The following AUTS2 variants were observed in gnomAD, a reference collection of about 807,000 sequenced individuals.
The protein encoded by AUTS2 is activator of transcription and developmental regulator AUTS2.
Under a neutral mutation model 112.4 loss-of-function variants are expected in AUTS2, and 17 were observed. The ratio of observed to expected loss-of-function variants is 0.15; its 90% CI spans 0.10 to 0.23. AUTS2 has a LOEUF of 0.23. Ranked by LOEUF, AUTS2 falls within the 10% of genes least tolerant of loss-of-function variation. AUTS2 has a pLI of 1.00. For synonymous variants in AUTS2, 751 were observed against 702.7 expected (o/e 1.07, Z -1.09); for missense variants, 1,510 against 1,701.6 (o/e 0.89, Z 1.98).
chr7:70,421,929 A>G (rs1376803272), intron 4 of AUTS2, among the ~76,000 whole-genome samples: 1 of 152,202 alleles, frequency 6.6e-6, no homozygotes, highest in Non-Finnish European at 1.5e-5. Context: ...CTTGCAGACA[A>G]TTTATAGTAA....
intron 5 of AUTS2, among the ~76,000 whole-genome samples, chr7:70,607,002 GC>G (rs2129531911): frequency 6.6e-6 from 1 of 152,232 alleles, no homozygotes; most frequent in Non-Finnish European, 1.5e-5. Context: ...CCTAGTGATA[GC>G]GAGCCCCAGT....
chr7:69,999,398 C>T (rs1316801900), intron 2 of AUTS2, among the ~76,000 whole-genome samples: 1 of 152,054 alleles, frequency 6.6e-6, no homozygotes, highest in Admixed American at 6.6e-5. Flanking sequence ...AGATAATTTT[C>T]CCCCTACTTT....
At position 70,766,603 on chromosome 7, in the gene AUTS2, T is replaced by C. The variant is rs1789964364; in HGVS notation, c.1689+269T>C. Among the ~76,000 whole-genome samples the C allele has an allele frequency of 6.6e-6, 1 of 152,226 alleles. No homozygotes were observed. The highest frequency in any genetic ancestry group is 1.5e-5 in the Non-Finnish European group (1 of 68,038). On this transcript the variant is annotated intron_variant, in intron 9 of 18. Coordinates refer to ENST00000342771, the MANE Select transcript of AUTS2 (RefSeq NM_015570.4). The surrounding 1 kb of genome is among the most constrained non-coding windows in gnomAD (Gnocchi z 4.8). ...CCCTCAAAACAGTCATGTCCAGTGTTGATGGCTAACTTCTTAAAGGGTTGT... is the reference window on the plus strand; with the variant it reads ...CCCTCAAAACAGTCATGTCCAGTGTCGATGGCTAACTTCTTAAAGGGTTGT...
At chr7:69,899,607 G>A (rs557430209) in intron 2 of AUTS2, 109 bp downstream of exon 2, 3 of 1,026,562 alleles carry the variant, frequency 2.9e-6, no homozygotes, top group Non-Finnish European at 4.3e-6. Context: ...TTGGTGGGAT[G>A]CTGAAGTGGT....
intron 2 of AUTS2, among the ~76,000 whole-genome samples, chr7:70,017,715 C>A (rs1349654963): frequency 6.6e-6 from 1 of 152,128 alleles, no homozygotes; most frequent in Non-Finnish European, 1.5e-5. Flanking sequence ...CTAGCCATCA[C>A]TGCGAAATGC....
chr7:70,399,531 A>G (rs575759348), intron 4 of AUTS2, among the ~76,000 whole-genome samples: 1 of 152,262 alleles, frequency 6.6e-6, no homozygotes, highest in African/African-American at 2.4e-5. Context: ...CAAGTCCTCT[A>G]GGTTTAAGAT....
In AUTS2 at chr7:70,049,242, T is replaced by C. The variant is rs377036576; in HGVS notation, c.523-68890T>C. On this transcript the variant is annotated intron_variant, in intron 2 of 18. Coordinates refer to ENST00000342771, the MANE Select transcript of AUTS2 (RefSeq NM_015570.4). Reference sequence around the variant, plus strand: ...AGTCACATTTCAATGAACAATCCAGTAGTGTTGTCATATTCATTTTTATTT... The same window carrying C: ...AGTCACATTTCAATGAACAATCCAGCAGTGTTGTCATATTCATTTTTATTT... Among the ~76,000 whole-genome samples, 6 of 152,320 alleles carry C rather than the reference T, an allele frequency of 3.9e-5. No homozygotes were observed. The East Asian group carries it at 9.6e-4, about 24-fold the overall frequency.
At chr7:70,052,520 A>G (rs539320664) in intron 2 of AUTS2, among the ~76,000 whole-genome samples, 1 of 152,178 alleles carries the variant, frequency 6.6e-6, no homozygotes, top group African/African-American at 2.4e-5. Context: ...TGTTCACTGC[A>G]TGAAGGTGGC....
chr7:69,669,975 C>A (rs1796243930), intron 1 of AUTS2, among the ~76,000 whole-genome samples: 1 of 152,148 alleles, frequency 6.6e-6, no homozygotes, highest in Non-Finnish European at 1.5e-5. Flanking sequence ...GGGATGTTGT[C>A]TGTCCATAGA....
intron 2 of AUTS2, among the ~76,000 whole-genome samples, chr7:69,985,737 A>C (rs1487369823): frequency 1.3e-5 from 2 of 150,836 alleles, no homozygotes; most frequent in African/African-American, 4.9e-5. Flanking sequence ...TTATCTTACC[A>C]ACCATCTAAG....
At chr7:70,726,118 G>A (rs1787015394) in intron 6 of AUTS2, among the ~76,000 whole-genome samples, 2 of 151,884 alleles carry the variant, frequency 1.3e-5, no homozygotes, top group Non-Finnish European at 2.9e-5. Context: ...TTAAGTTTTA[G>A]GATGTGAATC....
intron 1 of AUTS2, among the ~76,000 whole-genome samples, chr7:69,820,877 G>A (rs997380340): frequency 1.3e-5 from 2 of 152,120 alleles, no homozygotes; most frequent in African/African-American, 4.8e-5. Flanking sequence ...TAGAACTTAG[G>A]CAGGTTTATG....
intron 5 of AUTS2, among the ~76,000 whole-genome samples, chr7:70,630,357 A>G (rs117112067): frequency 7.4e-4 from 113 of 152,308 alleles, no homozygotes; most frequent in Non-Finnish European, 1.4e-3. Context: ...GTACATAACT[A>G]TAGATTTCTG....
chr7:70,704,573 G>A (rs941039865), intron 6 of AUTS2, among the ~76,000 whole-genome samples: 4 of 152,198 alleles, frequency 2.6e-5, no homozygotes, highest in Non-Finnish European at 5.9e-5. Flanking sequence ...GTTTTGTGTA[G>A]TTAATGATGT....
intron 5 of AUTS2, among the ~76,000 whole-genome samples, chr7:70,451,305 C>T (rs1796518943): frequency 6.6e-6 from 1 of 152,136 alleles, no homozygotes. Flanking sequence ...GAAGCCCAAA[C>T]CTCAGTATCA....
Position 70,243,851 on chromosome 7 carries a change from A to T in AUTS2, c.660+109280A>T, listed in dbSNP as rs534641251. ...CTTATTGATGTGCTTTGCTTGAAAT[A>T]GAATCATTAGACTGGGCCTGCCCTC... is the stretch of plus-strand genomic sequence containing the variant. On this transcript the variant is annotated intron_variant, in intron 4 of 18. Coordinates refer to ENST00000342771, the MANE Select transcript of AUTS2 (RefSeq NM_015570.4). 2.5e-3 allele frequency among the ~76,000 whole-genome samples: 374 copies of T among 152,266 alleles called. 3 individuals carry two copies. The highest frequency in any genetic ancestry group is 4.1e-3 in the Non-Finnish European group (277 of 68,018).
chr7:70,721,279 C>CGTGTGTGTGTGTGTGT (rs55885084), intron 6 of AUTS2, among the ~76,000 whole-genome samples: 3,227 of 140,080 alleles, frequency 0.023, 50 homozygotes, highest in East Asian at 0.047. Flanking sequence ...GAATTTCATT[C>CGTGTGTGTGTGTGTGT]GTGTGTGTGT....
intron 1 of AUTS2, among the ~76,000 whole-genome samples, chr7:69,772,261 C>A (rs1468558996): frequency 6.6e-6 from 1 of 152,172 alleles, no homozygotes; most frequent in African/African-American, 2.4e-5. Flanking sequence ...AGATCCGGTT[C>A]AACTCAGAAA....
At chr7:70,157,189 G>A (rs1807826452) in intron 4 of AUTS2, among the ~76,000 whole-genome samples, 2 of 151,628 alleles carry the variant, frequency 1.3e-5, no homozygotes, top group Admixed American at 1.3e-4. Context: ...CTGATAAACT[G>A]TTCCAGCTTT....
Sources: allele counts gnomAD v4.1 joint callset (sites outside exome capture counted in the v4.1 genomes callset), GRCh38; gene constraint gnomAD v4.1.1; non-coding constraint Gnocchi (gnomAD v3.1); transcripts MANE v1.5; gene names NCBI Gene and HGNC (gene_info 2026-07-23, HGNC 2026-07-21).